C12orf42: variants seen among roughly 807,000 people sequenced by gnomAD.
The protein encoded by C12orf42 is chromosome 12 open reading frame 42.
A neutral mutation model predicts 21.6 loss-of-function variants in C12orf42; 25 were observed. That is an observed-to-expected ratio of 1.16 (90% CI 0.84 to 1.62). C12orf42 has a LOEUF of 1.62. Ranked by LOEUF, C12orf42 falls within the 40% of genes most tolerant of loss-of-function variation. The pLI is 0.00. For synonymous variants in C12orf42, 174 were observed against 175.0 expected, an observed-to-expected ratio of 0.99 and a Z score of 0.05; for missense variants, 483 against 459.3, an observed-to-expected ratio of 1.05 and a Z score of -0.47.
intron 2 of C12orf42, among the ~76,000 whole-genome samples, chr12:103,406,634 G>A (rs1288853306): frequency 1.3e-5 from 2 of 152,050 alleles, no homozygotes; most frequent in Non-Finnish European, 1.5e-5. Flanking sequence ...TCAGTACCAA[G>A]GATACAAAAA....
the C12orf42 span, among the ~76,000 whole-genome samples, chr12:103,187,879 C>T: frequency 8.5e-5 from 13 of 152,132 alleles, no homozygotes; most frequent in African/African-American, 2.4e-5. Context: ...GCCTTGACTC[C>T]TTACAAAAAG....
intron 4 of C12orf42, among the ~76,000 whole-genome samples, chr12:103,347,036 C>T (rs2042680384): frequency 6.6e-6 from 1 of 152,226 alleles, no homozygotes; most frequent in South Asian, 2.1e-4. Context: ...CTGACAGTCT[C>T]CACCATCTTT....
At chr12:103,141,674 CG>C in the C12orf42 span, among the ~76,000 whole-genome samples, 1 of 151,980 alleles carries the variant, frequency 6.6e-6, no homozygotes, top group Admixed American at 6.6e-5. Context: ...GGATTACAGG[CG>C]TCCACCACCA....
At chr12:103,404,387 A>C (rs1247592366) in intron 2 of C12orf42, among the ~76,000 whole-genome samples, 1 of 152,240 alleles carries the variant, frequency 6.6e-6, no homozygotes, top group African/African-American at 2.4e-5. Context: ...AGTAGCTGGG[A>C]TATTCATTGC....
At chr12:103,289,620 C>T (rs1204701534) in intron 4 of C12orf42, among the ~76,000 whole-genome samples, 1 of 151,994 alleles carries the variant, frequency 6.6e-6, no homozygotes, top group East Asian at 1.9e-4. Flanking sequence ...AATTATACTA[C>T]AATGATGCAA....
At chr12:103,423,139 C>A (rs2050064351) in intron 2 of C12orf42, among the ~76,000 whole-genome samples, 1 of 152,142 alleles carries the variant, frequency 6.6e-6, no homozygotes, top group Admixed American at 6.5e-5. Flanking sequence ...CTGTGTTGTC[C>A]CTGGAAGCAT....
At chr12:103,211,479 T>C in the C12orf42 span, among the ~76,000 whole-genome samples, 5 of 152,202 alleles carry the variant, frequency 3.3e-5, no homozygotes, top group South Asian at 6.2e-4. Flanking sequence ...TTAGGTTTTG[T>C]CTCTCAAATC....
the C12orf42 span, among the ~76,000 whole-genome samples, chr12:103,507,119 T>TAATATATATTATATATAAATATAAATATA: frequency 1.7e-4 from 2 of 11,964 alleles, no homozygotes; most frequent in African/African-American, 2.2e-3. Context: ...AAATATATAT[T>TAATATATATTATATATAAATATAAATATA]TATATATAAT....
chr12:103,110,953 A>T, the C12orf42 span, among the ~76,000 whole-genome samples: 3 of 152,190 alleles, frequency 2.0e-5, no homozygotes, highest in Non-Finnish European at 4.4e-5. Flanking sequence ...CATGTTTCCC[A>T]CATTCTCAGC....
At chr12:103,142,927 T>C in the C12orf42 span, among the ~76,000 whole-genome samples, 2 of 152,176 alleles carry the variant, frequency 1.3e-5, no homozygotes, top group Admixed American at 6.6e-5. Flanking sequence ...AGAAAACATA[T>C]GCAATTCTAT....
At chr12:103,541,464 G>GTGC in the C12orf42 span, among the ~76,000 whole-genome samples, 1 of 152,112 alleles carries the variant, frequency 6.6e-6, no homozygotes, top group Non-Finnish European at 1.5e-5. Flanking sequence ...TAATGTCACA[G>GTGC]TGCAACTCAT....
chr12:103,107,378 T>C, the C12orf42 span, among the ~76,000 whole-genome samples: 5 of 151,960 alleles, frequency 3.3e-5, no homozygotes, highest in African/African-American at 4.8e-5. Context: ...AAAGTCACAA[T>C]GCAATTGTCA....
intron 4 of C12orf42, among the ~76,000 whole-genome samples, chr12:103,291,695 C>T (rs928154506): frequency 6.6e-6 from 1 of 152,168 alleles, no homozygotes; most frequent in Non-Finnish European, 1.5e-5. Context: ...ATCTCCATGA[C>T]ATTTGTAAAC....
At chr12:103,264,230 G>C (rs541317991), downstream of C12orf42, among the ~76,000 whole-genome samples, 42 of 152,262 alleles carry the variant, frequency 2.8e-4, no homozygotes, top group African/African-American at 9.9e-4. Context: ...CCTCCACTTA[G>C]AAGATTAGCC....
In C12orf42 at chr12:103,364,924, C is replaced by T. The variant is rs1007915135; in HGVS notation, c.259+3963G>A. On this transcript the variant is annotated intron_variant, in intron 4 of 5. Transcript: ENST00000548883. ...GACATTCAAAGAATTGGTACCAATC[C>T]TATTGACAGTATTCCACAAGATACA... is the stretch of plus-strand genomic sequence containing the variant. 2.6e-5 allele frequency among the ~76,000 whole-genome samples: 4 copies of T among 152,056 alleles called. No homozygotes were observed. The South Asian group carries it at 8.3e-4, about 32-fold the overall frequency.
chr12:103,395,103 C>T (rs532654418), intron 3 of C12orf42, among the ~76,000 whole-genome samples: 81 of 152,338 alleles, frequency 5.3e-4, no homozygotes, highest in African/African-American at 1.9e-3. Context: ...AGGCCATGCC[C>T]TCATGGATCT....
chr12:103,119,222 CT>C, the C12orf42 span, among the ~76,000 whole-genome samples: 1 of 152,034 alleles, frequency 6.6e-6, no homozygotes, highest in Non-Finnish European at 1.5e-5. Context: ...CATTATTAAC[CT>C]TTTTAAATGT....
chr12:103,523,611 T>A, the C12orf42 span, among the ~76,000 whole-genome samples: 5 of 151,084 alleles, frequency 3.3e-5, no homozygotes, highest in African/African-American at 1.2e-4. Context: ...TATATACATA[T>A]ATATACTCTA....
the C12orf42 span, among the ~76,000 whole-genome samples, chr12:103,050,638 C>T: frequency 6.6e-6 from 1 of 152,018 alleles, no homozygotes; most frequent in South Asian, 2.1e-4. Context: ...GACAAGCAGC[C>T]CTAGACTCTT....
Sources: allele counts gnomAD v4.1 joint callset (sites outside exome capture counted in the v4.1 genomes callset), GRCh38; gene constraint gnomAD v4.1.1; transcripts MANE v1.5; gene names NCBI Gene and HGNC (gene_info 2026-07-23, HGNC 2026-07-21).